Variants in SLC43A2 observed in about 807,000 individuals in gnomAD.
SLC43A2 encodes solute carrier family 43 member 2, also known as large neutral amino acids transporter small subunit 4.
A neutral mutation model predicts 63.2 loss-of-function variants in SLC43A2; 38 were observed. The ratio of observed to expected loss-of-function variants is 0.60; its 90% CI spans 0.46 to 0.79. The LOEUF (loss-of-function observed/expected upper bound fraction) is 0.79, where lower values mean the gene tolerates loss of function less well. Ranked by LOEUF, SLC43A2 falls within the 30% of genes least tolerant of loss-of-function variation. The probability of loss-of-function intolerance (pLI) is 0.00; values close to 1 mark genes in which losing one functional copy is unlikely to be tolerated. For synonymous variants in SLC43A2, 322 were observed against 331.0 expected (o/e 0.97, Z 0.30); for missense variants, 644 against 756.2 (o/e 0.85, Z 1.74).
intron 2 of SLC43A2, among the ~76,000 whole-genome samples, chr17:1,621,631 G>T (rs1016726146): frequency 2.0e-5 from 3 of 152,236 alleles, no homozygotes; most frequent in African/African-American, 7.2e-5. Context: ...TGTGTGCAAT[G>T]AAAGTGTGTG....
chr17:1,600,494 G>C (rs1015467432), intron 5 of SLC43A2, among the ~76,000 whole-genome samples: 1 of 148,656 alleles, frequency 6.7e-6, no homozygotes, highest in Admixed American at 6.8e-5. Context: ...TGTGCTCTAA[G>C]GTGAGCAAAA....
chr17:1,620,053 T>C (rs1302876014), intron 2 of SLC43A2, among the ~76,000 whole-genome samples: 1 of 152,130 alleles, frequency 6.6e-6, no homozygotes, highest in Non-Finnish European at 1.5e-5. Context: ...TTTTCTCATC[T>C]AGAGCCAGAA....
At chr17:1,591,115 C>T (rs1904728487) in intron 8 of SLC43A2, among the ~76,000 whole-genome samples, 154 bp downstream of exon 8, 1 of 152,112 alleles carries the variant, frequency 6.6e-6, no homozygotes, top group African/African-American at 2.4e-5. Flanking sequence ...TGAAATCAGG[C>T]AAATCCCTTT....
chr17:1,627,978 C>T, intron 1 of SLC43A2, 58 bp from the exon 2 acceptor site: 2 of 1,288,428 alleles, frequency 1.6e-6, no homozygotes, highest in Non-Finnish European at 2.0e-6. Context: ...CGGCCGCCCC[C>T]AGCAGCCCCG....
At chr17:1,614,110 G>A (rs963377989) in intron 4 of SLC43A2, among the ~76,000 whole-genome samples, 5 of 152,148 alleles carry the variant, frequency 3.3e-5, no homozygotes, top group Non-Finnish European at 7.4e-5. Flanking sequence ...AGGCGTGGTG[G>A]CGGGTGCCCG....
At chr17:1,620,244 C>T (rs951777500) in intron 2 of SLC43A2, among the ~76,000 whole-genome samples, 4 of 152,038 alleles carry the variant, frequency 2.6e-5, no homozygotes, top group Admixed American at 6.6e-5. Flanking sequence ...GGCAGGTACC[C>T]GTAACCCCAA....
intron 2 of SLC43A2, among the ~76,000 whole-genome samples, chr17:1,621,207 G>GC (rs933024937): frequency 9.2e-5 from 14 of 152,112 alleles, no homozygotes; most frequent in Non-Finnish European, 1.6e-4. Context: ...GGGTGCTGTG[G>GC]CCCCCCAGGC....
chr17:1,596,119 C>CACCA (rs1434402184), intron 5 of SLC43A2, among the ~76,000 whole-genome samples: 1 of 151,800 alleles, frequency 6.6e-6, no homozygotes, highest in Non-Finnish European at 1.5e-5. Flanking sequence ...AGCAGTTCAA[C>CACCA]ACCAGCCTGG....
In SLC43A2 at chr17:1,583,317, T is replaced by G. The variant is rs375324401; in HGVS notation, c.1237A>C (p.Lys413Gln). 8.7e-6 allele frequency: 14 copies of G among 1,613,882 alleles called. No individual in the cohort carries two copies. Among genetic ancestry groups the G allele is most frequent in the East Asian group, 2.2e-5 (1 of 44,876 alleles). ...ATCTTCTGGATCTGCCGGTCCCGCTTCTTCTTTTTCTTCTCGCCTCTGTGG... is the reference window on the plus strand; with the variant it reads ...ATCTTCTGGATCTGCCGGTCCCGCTGCTTCTTTTTCTTCTCGCCTCTGTGG... Reference protein sequence around the residue: ...DANQGEKKKKKRDRQIQKITN... With the variant: ...DANQGEKKKKQRDRQIQKITN... Residue 413 changes from lysine (K) to glutamine (Q), a missense_variant, in exon 11 of 14, where the codon AAG becomes CAG. By Grantham distance (53) the Lys-to-Gln change is moderately conservative. Transcript: ENST00000301335. This position sits in a 1 kb window ranked among gnomAD's most constrained non-coding sequence, Gnocchi z 5.5.
At position 1,624,046 on chromosome 17, in the gene SLC43A2, A is replaced by C. The variant is rs1908427588; in HGVS notation, c.160+3669T>G. Among the ~76,000 whole-genome samples, 3 of 152,346 alleles carry C rather than the reference A, an allele frequency of 2.0e-5. No individual in the cohort carries two copies. The South Asian group carries it at 6.2e-4, about 32-fold the overall frequency. On this transcript the variant is annotated intron_variant, in intron 2 of 13. Coordinates refer to ENST00000301335, the MANE Select transcript of SLC43A2 (RefSeq NM_152346.3). ...CACCCCCTGGAATTATACGGGTTAC[A>C]CAGGTATGCGTGTGATGACTTGTTT...
Position 1,605,288 on chromosome 17 carries a change from C to G in SLC43A2, c.501+7907G>C, listed in dbSNP as rs1176849800. ...TAAACAGGCCGGACTGTGTGACCTT[C>G]CCAGAGGGGAAAACAGCAGCTGCAG... On this transcript the variant is annotated intron_variant, in intron 5 of 13. Coordinates refer to ENST00000301335, the MANE Select transcript of SLC43A2 (RefSeq NM_152346.3). The surrounding 1 kb of genome is among the most constrained non-coding windows in gnomAD (Gnocchi z 4.9). 4 of 989,694 alleles carry G rather than the reference C, an allele frequency of 4.0e-6. No homozygotes were observed. The Admixed American group carries it at 2.1e-4, about 52-fold the overall frequency. 61.3% of individuals were successfully genotyped at this position (989,694 alleles called of 1,614,324 possible).
intron 5 of SLC43A2, among the ~76,000 whole-genome samples, chr17:1,600,616 C>T (rs1335165283): frequency 7.6e-6 from 1 of 131,946 alleles, no homozygotes; most frequent in African/African-American, 2.9e-5. Context: ...TGCAATGGTA[C>T]GATTCTGGCT....
intron 6 of SLC43A2, among the ~76,000 whole-genome samples, chr17:1,592,465 C>T (rs1318148989): frequency 2.0e-5 from 3 of 152,172 alleles, no homozygotes; most frequent in East Asian, 1.9e-4. Flanking sequence ...TCGGGATGCT[C>T]CCCAGTCCAG....
intron 10 of SLC43A2, chr17:1,585,239 T>G (rs1029219488): frequency 3.0e-6 from 3 of 995,054 alleles, no homozygotes; most frequent in African/African-American, 3.5e-5. Flanking sequence ...TCAATGCTTC[T>G]TCTTTATTGT....
chr17:1,587,676 A>G (rs1904344400), intron 9 of SLC43A2, among the ~76,000 whole-genome samples: 4 of 151,246 alleles, frequency 2.6e-5, no homozygotes. Flanking sequence ...CCATCACTCC[A>G]GGCCTCGTTT....
intron 2 of SLC43A2, among the ~76,000 whole-genome samples, chr17:1,622,688 T>C (rs886945003): frequency 5.3e-5 from 8 of 151,788 alleles, no homozygotes; most frequent in African/African-American, 1.9e-4. Context: ...CCAAGGCTGG[T>C]AGATCACCTG....
intron 5 of SLC43A2, among the ~76,000 whole-genome samples, chr17:1,596,664 C>G (rs1305559262): frequency 2.6e-5 from 4 of 152,112 alleles, no homozygotes; most frequent in Non-Finnish European, 4.4e-5. Flanking sequence ...ACTCCAACCT[C>G]TGTCTCCTGG....
At chr17:1,599,750 TA>T (rs1476607424) in intron 5 of SLC43A2, among the ~76,000 whole-genome samples, 1 of 150,570 alleles carries the variant, frequency 6.6e-6, no homozygotes, top group Non-Finnish European at 1.5e-5. Flanking sequence ...TTCTACAACT[TA>T]AAAAATTATT....
chr17:1,594,730 G>A (rs764990330), intron 5 of SLC43A2, among the ~76,000 whole-genome samples: 1 of 150,892 alleles, frequency 6.6e-6, no homozygotes, highest in Non-Finnish European at 1.5e-5. Context: ...TGGGACTATA[G>A]GCGCCCGCCA....
Sources: allele counts gnomAD v4.1 joint callset (sites outside exome capture counted in the v4.1 genomes callset), GRCh38; gene constraint gnomAD v4.1.1; non-coding constraint Gnocchi (gnomAD v3.1); transcripts MANE v1.5; gene names NCBI Gene and HGNC (gene_info 2026-07-23, HGNC 2026-07-21).